The following NMB variants were observed in gnomAD, a reference collection of about 807,000 sequenced individuals.
NMB encodes the protein neuromedin-B.
In NMB, 12 loss-of-function variants were observed where a neutral mutation model predicts 11.7. The observed-to-expected ratio is 1.03, with a 90% CI of 0.66 to 1.66. NMB has a LOEUF of 1.66. NMB is among the 40% of genes most tolerant of loss of function. NMB has a pLI of 0.00. For missense variants in NMB, 174 were observed against 157.9 expected (o/e 1.10, Z -0.55); for synonymous variants, 76 against 72.6 (o/e 1.05, Z -0.24).
chr15:84,655,668 G>A (rs1412718090), intron 2 of NMB, among the ~76,000 whole-genome samples: 1 of 152,174 alleles, frequency 6.6e-6, no homozygotes, highest in East Asian at 1.9e-4. Context: ...GCTTGGTGCT[G>A]GGCTAGTGTC....
At position 84,655,241 on chromosome 15, in the gene NMB, C is replaced by T. The variant is rs749963441; in HGVS notation, c.*133G>A. ...TATTTCTGGTGACCCAGCCAGAAAT[C>T]ACAGTAATGGAGTAACAGAGATTTG... On this transcript the variant is annotated 3_prime_UTR_variant, in exon 3 of 3. Coordinates refer to ENST00000360476, the MANE Select transcript of NMB (RefSeq NM_021077.4). 1.2e-5 allele frequency: 18 copies of T among 1,552,994 alleles called. No individual in the cohort carries two copies. The highest frequency in any genetic ancestry group is 1.6e-5 in the Non-Finnish European group (18 of 1,148,144).
intron 1 of NMB, 152 bp downstream of exon 1, chr15:84,657,844 C>A: frequency 1.1e-6 from 1 of 913,940 alleles, no homozygotes; most frequent in South Asian, 2.0e-5. Flanking sequence ...GTCCGGGTCT[C>A]AAGTACATAT....
chr15:84,655,733 G>C (rs1470515054), intron 2 of NMB, among the ~76,000 whole-genome samples: 2 of 152,212 alleles, frequency 1.3e-5, no homozygotes, highest in African/African-American at 4.8e-5. Flanking sequence ...TGAAGCCCCA[G>C]ACGTAGGCAC....
chr15:84,655,968 A>C (rs1486185139), intron 2 of NMB, among the ~76,000 whole-genome samples: 1 of 152,100 alleles, frequency 6.6e-6, no homozygotes, highest in Non-Finnish European at 1.5e-5. Flanking sequence ...AAATGCACAC[A>C]CTATATGCTA....
chr15:84,655,445 G>A (rs117966434), intron 2 of NMB, 36 bp from the exon 3 acceptor site: 30,046 of 1,611,874 alleles, frequency 0.019, 329 homozygotes, highest in Non-Finnish European at 0.022. Context: ...GAGCCAGGGA[G>A]GGGCTCCTGA....
intron 2 of NMB, among the ~76,000 whole-genome samples, chr15:84,656,937 A>G (rs1332466275): frequency 1.3e-5 from 2 of 152,172 alleles, no homozygotes; most frequent in East Asian, 3.8e-4. Flanking sequence ...TTCTTTCCCT[A>G]CTTCTTGCCC....
intron 1 of NMB, among the ~76,000 whole-genome samples, chr15:84,657,608 T>G (rs1896801669): frequency 6.6e-6 from 1 of 152,004 alleles, no homozygotes; most frequent in Non-Finnish European, 1.5e-5. Context: ...AGGGAGAAAC[T>G]CTGCTAGTTG....
chr15:84,657,209 G>A lies in NMB; in HGVS notation c.297C>T (p.Gly99=), dbSNP rs1202847678. 6 of 1,611,928 alleles carry A rather than the reference G, an allele frequency of 3.7e-6. No homozygotes were observed. The East Asian group carries it at 1.1e-4, about 30-fold the overall frequency. ...GGGGTGCGGGGCGGCTGAGGCTCAC[G>A]CCCAGAGCCTTCTTTAGCAGGAGGA... ...LGILLLKKAL[G]VSLSRPAPQI... Residue 99 remains glycine, a synonymous_variant, in exon 2 of 3, where the codon GGC becomes GGT. Coordinates refer to ENST00000360476, the MANE Select transcript of NMB (RefSeq NM_021077.4).
At chr15:84,657,679 G>C (rs1024830347) in intron 1 of NMB, among the ~76,000 whole-genome samples, 1 of 152,118 alleles carries the variant, frequency 6.6e-6, no homozygotes, top group Non-Finnish European at 1.5e-5. Flanking sequence ...GTGAAGAGGC[G>C]CCTGGAAAGT....
At position 84,658,189 on chromosome 15, in the gene NMB, T is replaced by G; in HGVS notation, c.-37A>C. 7.0e-7 allele frequency: 1 copy of G among 1,419,242 alleles called. No homozygotes were observed. Among genetic ancestry groups the G allele is most frequent in the Non-Finnish European group, 9.1e-7 (1 of 1,100,712 alleles). The allele number at this position is 1,419,242 out of a possible 1,614,324, so 87.9% of individuals were successfully genotyped here. ...GGCCGCGGCTTCGTTCGGGCGCGCT[T>G]CCCGGCCGCTGGGCTCCGGGGCTGC... On this transcript the variant is annotated 5_prime_UTR_variant, in exon 1 of 3. Transcript: ENST00000360476.
chr15:84,657,600 G>A (rs1356852377), intron 1 of NMB, among the ~76,000 whole-genome samples: 1 of 152,178 alleles, frequency 6.6e-6, no homozygotes, highest in East Asian at 1.9e-4. Context: ...CCAGGGCCAG[G>A]GAGAAACTCT....
chr15:84,657,657 AG>A (rs1896802243), intron 1 of NMB, among the ~76,000 whole-genome samples: 1 of 152,170 alleles, frequency 6.6e-6, no homozygotes, highest in African/African-American at 2.4e-5. Context: ...AGGGCAGGGT[AG>A]GAAGTGGAGA....
rs746399980 is a variant in NMB at position 84,656,950 on chromosome 15, TG to T, written c.330+225del. On this transcript the variant is annotated intron_variant, in intron 2 of 2. Transcript: ENST00000360476. The stretch of plus-strand genomic sequence containing the variant: ...ACTTCTTTCCCTACTTCTTGCCCCA[TG>T]GGGTCTACTGGGAAGGTCAGCTTCC... Among the ~76,000 whole-genome samples the T allele has an allele frequency of 2.6e-5, 4 of 152,306 alleles. No homozygotes were observed. In the East Asian group the frequency reaches 5.8e-4, roughly 22 times the overall value.
intron 2 of NMB, among the ~76,000 whole-genome samples, chr15:84,656,028 G>A (rs1028949382): frequency 6.6e-6 from 1 of 152,142 alleles, no homozygotes; most frequent in Non-Finnish European, 1.5e-5. Flanking sequence ...CCGCCAGGGA[G>A]CTCACAGACT....
chr15:84,657,497 C>A lies in NMB; in HGVS notation c.158-149G>T, dbSNP rs549128859. ...TGGTGCTTCCACCTCACCAAGGAGC[C>A]ACAAAGGTGTCTGGGTGGTGGCAAA... is the stretch of plus-strand genomic sequence containing the variant. On this transcript the variant is annotated intron_variant, in intron 1 of 2. Coordinates refer to ENST00000360476, the MANE Select transcript of NMB (RefSeq NM_021077.4). 7.9e-6 allele frequency: 6 copies of A among 758,390 alleles called. 1 individual carries two copies. In the African/African-American group the frequency reaches 9.1e-5, roughly 12 times the overall value. The allele number at this position is 758,390 out of a possible 1,614,324, so 47.0% of individuals were successfully genotyped here.
chr15:84,658,017 G>A lies in NMB; in HGVS notation c.136C>T (p.Arg46Ter). The change falls in exon 1 of 3, where the codon CGA becomes TGA. Residue 46 changes from arginine to a stop codon, truncating the protein, a stop_gained. Coordinates refer to ENST00000360476, the MANE Select transcript of NMB (RefSeq NM_021077.4). LOFTEE classifies it high-confidence loss of function. ...SRASKIRVHS[R>*]GNLWATGHFM... ...TTACCGGTGGCCCAGAGGTTGCCTC[G>A]CGAGTGCACTCGGATCTTGCTGGCT... 1 of 1,598,212 alleles carries A rather than the reference G, an allele frequency of 6.3e-7. No individual in the cohort carries two copies. Among genetic ancestry groups the A allele is most frequent in the South Asian group, 1.1e-5 (1 of 90,242 alleles).
At chr15:84,657,138 C>A in intron 2 of NMB, 38 bp downstream of exon 2, 2 of 1,586,892 alleles carry the variant, frequency 1.3e-6, no homozygotes, top group South Asian at 1.1e-5. Context: ...ATGGCCCCAG[C>A]TGGGCCCTCC....
In NMB at chr15:84,658,082, A is replaced by AGT; in HGVS notation, c.70_71insAC (p.Val24AspfsTer55). ...CGGGAGATCCCAGCTGAGCGGGGCGACGCCGGCAGCGAGCAGGGCGAAGAG... is the reference window on the plus strand; with the variant it reads ...CGGGAGATCCCAGCTGAGCGGGGCGAGTCGCCGGCAGCGAGCAGGGCGAAGAG... On this transcript the variant is annotated frameshift_variant, in exon 1 of 3. Coordinates refer to ENST00000360476, the MANE Select transcript of NMB (RefSeq NM_021077.4). LOFTEE classifies it high-confidence loss of function. 6.3e-7 allele frequency: 1 copy of AGT among 1,580,292 alleles called. No individual in the cohort carries two copies. Among genetic ancestry groups the AGT allele is most frequent in the South Asian group, 1.1e-5 (1 of 88,624 alleles).
At position 84,657,987 on chromosome 15, in the gene NMB, A is replaced by G; in HGVS notation, c.157+9T>C. 1.9e-6 allele frequency: 3 copies of G among 1,590,414 alleles called. No homozygotes were observed. Among genetic ancestry groups the G allele is most frequent in the South Asian group, 1.1e-5 (1 of 89,626 alleles). ...GGGGCGCTTGCTTGCTCCGTCCCCA[A>G]AGACTTACCGGTGGCCCAGAGGTTG... is the stretch of plus-strand genomic sequence containing the variant. On this transcript the variant is annotated intron_variant, in intron 1 of 2. Transcript: ENST00000360476.
Sources: gnomAD v4.1 joint callset for allele counts (sites outside exome capture counted in the v4.1 genomes callset) on GRCh38, gnomAD v4.1.1 for gene constraint, MANE v1.5 for transcripts, NCBI Gene and HGNC (gene_info 2026-07-23, HGNC 2026-07-21) for gene names.